The following SH2B1 variants were observed in gnomAD, a reference collection of about 807,000 sequenced individuals.
SH2B1 encodes the protein SH2B adaptor protein 1.
SH2B1 carries 15 observed loss-of-function variants against 62.6 expected under a neutral mutation model. The observed-to-expected ratio is 0.24, with a 90% confidence interval of 0.16 to 0.37. The LOEUF (loss-of-function observed/expected upper bound fraction) is 0.37. Ranked by LOEUF, SH2B1 falls within the 10% of genes least tolerant of loss-of-function variation. SH2B1 has a pLI of 1.00. For missense variants in SH2B1, 925 were observed against 1,015.6 expected, an observed-to-expected ratio of 0.91 and a Z score of 1.21; for synonymous variants, 443 against 438.0, an observed-to-expected ratio of 1.01 and a Z score of -0.14.
chr16:28,850,309 G>T (rs1962066066), intron 1 of SH2B1, among the ~76,000 whole-genome samples: 1 of 152,172 alleles, frequency 6.6e-6, no homozygotes, highest in African/African-American at 2.4e-5. Flanking sequence ...TATAGCTACT[G>T]CCGGGGGCAC....
At chr16:28,853,046 T>TTATA (rs1313729156) in intron 1 of SH2B1, among the ~76,000 whole-genome samples, 1 of 98,782 alleles carries the variant, frequency 1.0e-5, no homozygotes, top group South Asian at 2.5e-4. Context: ...ACATATATAT[T>TTATA]TATATATGTA....
intron 1 of SH2B1, among the ~76,000 whole-genome samples, chr16:28,852,825 T>C (rs1382463006): frequency 4.5e-5 from 2 of 44,354 alleles, no homozygotes; most frequent in Non-Finnish European, 7.1e-5. Flanking sequence ...TTTACATATA[T>C]ATTTATATAT....
upstream of SH2B1, chr16:28,863,347 T>C (rs955181845): frequency 8.1e-6 from 2 of 246,982 alleles, no homozygotes; most frequent in Admixed American, 5.2e-5. Flanking sequence ...ACCAAGGTCG[T>C]AAGTTCAGGC....
intron 1 of SH2B1, among the ~76,000 whole-genome samples, chr16:28,852,132 G>C (rs985566261): frequency 3.4e-5 from 5 of 145,288 alleles, no homozygotes; most frequent in Non-Finnish European, 7.5e-5. Context: ...AATATGCAGG[G>C]AATAAACTAT....
upstream of SH2B1, chr16:28,863,350 G>A (rs1355502869): frequency 1.2e-5 from 3 of 260,332 alleles, no homozygotes; most frequent in East Asian, 9.2e-5. Context: ...AAGGTCGTAA[G>A]TTCAGGCTCC....
chr16:28,852,848 ATATT>A (rs369712639), intron 1 of SH2B1, among the ~76,000 whole-genome samples: 12 of 42,908 alleles, frequency 2.8e-4, no homozygotes, highest in South Asian at 5.2e-4. Context: ...ATACATATAT[ATATT>A]TTTATATATA....
At chr16:28,846,652 G>A, upstream of SH2B1, 1 of 253,916 alleles carries the variant, frequency 3.9e-6, no homozygotes, top group Non-Finnish European at 7.8e-6. Flanking sequence ...CAGAGTGGGA[G>A]TCAGGCGGGC....
At chr16:28,850,862 GAAAAA>G (rs565938904) in intron 1 of SH2B1, among the ~76,000 whole-genome samples, 3 of 71,300 alleles carry the variant, frequency 4.2e-5, no homozygotes, top group Non-Finnish European at 8.5e-5. Context: ...GACTCCATCT[GAAAAA>G]AAAAAAAAAA....
chr16:28,872,879 G>C lies in SH2B1; in HGVS notation c.1897+174G>C. 4 of 869,504 alleles carry C rather than the reference G, an allele frequency of 4.6e-6. No homozygotes were observed. In the South Asian group the frequency reaches 6.3e-5, roughly 14 times the overall value. The allele number at this position is 869,504 out of a possible 1,614,324, so 53.9% of individuals were successfully genotyped here. On this transcript the variant is annotated intron_variant, in intron 7 of 7. Transcript: ENST00000684370. The surrounding 1 kb of genome is among the most constrained non-coding windows in gnomAD (Gnocchi z 5.3). Reference sequence around the variant, plus strand: ...GGTTTGGAAGGGAAAGAAATGCGCTGATAGGACACAGGAAGGCAGAAGGCT... The same window carrying C: ...GGTTTGGAAGGGAAAGAAATGCGCTCATAGGACACAGGAAGGCAGAAGGCT...
chr16:28,867,543 C>A, intron 2 of SH2B1, 111 bp downstream of exon 2: 1 of 773,720 alleles, frequency 1.3e-6, no homozygotes, highest in South Asian at 1.4e-5. Flanking sequence ...TGTCCAGTGC[C>A]TTGAGAGTGT....
At chr16:28,862,607 CAATTCT>C (rs1177946353), upstream of SH2B1, 47 of 133,750 alleles carry the variant, frequency 3.5e-4, no homozygotes, top group African/African-American at 1.1e-3. Flanking sequence ...GCCTTGACCT[CAATTCT>C]TTTTTTTTTT....
chr16:28,872,090 TG>T lies in SH2B1; in HGVS notation c.1514-96del. ...GGCCCAGGGGAGTTGGGGACGCATG[TG>T]GGGAGCAGGCGCCTTGAGGGGAAGG... On this transcript the variant is annotated intron_variant, in intron 5 of 7. Transcript: ENST00000684370. The surrounding 1 kb of genome is among the most constrained non-coding windows in gnomAD (Gnocchi z 5.3). 1 of 1,380,754 alleles carries T rather than the reference TG, an allele frequency of 7.2e-7. No homozygotes were observed. The highest frequency in any genetic ancestry group is 2.3e-5 in the East Asian group (1 of 43,160). 85.5% of individuals were successfully genotyped at this position (1,380,754 alleles called of 1,614,324 possible).
At chr16:28,856,501 G>A (rs533689923) in intron 1 of SH2B1, among the ~76,000 whole-genome samples, 6 of 152,160 alleles carry the variant, frequency 3.9e-5, no homozygotes, top group East Asian at 1.9e-4. Context: ...ACAAATTGGG[G>A]GTGGAGGTTA....
Position 28,865,959 on chromosome 16 carries a change from C to T in SH2B1, c.-136C>T. The T allele has an allele frequency of 6.9e-7, 1 of 1,446,302 alleles. No individual in the cohort carries two copies. Among genetic ancestry groups the T allele is most frequent in the Non-Finnish European group, 9.0e-7 (1 of 1,106,530 alleles). The allele number at this position is 1,446,302 out of a possible 1,614,324, so 89.6% of individuals were successfully genotyped here. A position where few individuals can be genotyped will look rare whatever the true frequency, so the allele number is the denominator to read the frequency against. ...TCTGGCTGGGGGTGGGATGCAGCCT[C>T]CGGTGCGCCCTCAGCAGTGACCCTC... On this transcript the variant is annotated 5_prime_UTR_variant, in exon 1 of 8. Transcript: ENST00000684370.
intron 1 of SH2B1, among the ~76,000 whole-genome samples, chr16:28,852,195 T>TA (rs1962114936): frequency 3.2e-5 from 4 of 126,182 alleles, no homozygotes; most frequent in Admixed American, 9.0e-5. Flanking sequence ...TATATTTTTA[T>TA]TTATATATTT....
chr16:28,872,172 CCT>C lies in SH2B1; in HGVS notation c.1514-12_1514-11del, dbSNP rs1596632450. On this transcript the variant is annotated splice_polypyrimidine_tract_variant and intron_variant, in intron 5 of 7. Coordinates refer to ENST00000684370, the MANE Select transcript of SH2B1 (RefSeq NM_001387430.1). This position sits in a 1 kb window ranked among gnomAD's most constrained non-coding sequence, Gnocchi z 5.3. ...CTGCCCTGACACCCCGGTTTCCCTC[CCT>C]CTCTCCTTCCTGAAGGGTCCTTCCT... 1.2e-6 allele frequency: 2 copies of C among 1,606,084 alleles called. No homozygotes were observed. The highest frequency in any genetic ancestry group is 1.3e-5 in the African/African-American group (1 of 74,822).
rs1491248523 is a variant in SH2B1 at position 28,852,693 on chromosome 16, T to TAC, written c.-301+5867_-301+5868insCA. On this transcript the variant is annotated intron_variant, in intron 1 of 10. Transcript: ENST00000322610. ...TTATATATATATTTACATATATATT[T>TAC]ATATATATACATATATATTTACATA... Among the ~76,000 whole-genome samples the TAC allele has an allele frequency of 4.1e-5, 3 of 73,748 alleles. 1 individual carries two copies. The highest frequency in any genetic ancestry group is 7.2e-5 in the Non-Finnish European group (3 of 41,788). The allele number at this position is 73,748 out of a possible 152,430, so 48.4% of individuals were successfully genotyped here. A position where few individuals can be genotyped will look rare whatever the true frequency, so the allele number is the denominator to read the frequency against.
At chr16:28,868,461 T>A (rs1166666446) in intron 2 of SH2B1, among the ~76,000 whole-genome samples, 1 of 151,934 alleles carries the variant, frequency 6.6e-6, no homozygotes, top group Non-Finnish European at 1.5e-5. Context: ...ATTTTATTTT[T>A]ATTTTTTATA....
chr16:28,869,164 A>G (rs770659000), intron 3 of SH2B1, 44 bp from the exon 4 acceptor site: 2 of 1,613,740 alleles, frequency 1.2e-6, no homozygotes, highest in Admixed American at 1.7e-5. Context: ...TGCGCCTCTC[A>G]CCTGGTGACT....
Sources: allele counts gnomAD v4.1 joint callset (sites outside exome capture counted in the v4.1 genomes callset), GRCh38; gene constraint gnomAD v4.1.1; non-coding constraint Gnocchi (gnomAD v3.1); transcripts MANE v1.5; gene names NCBI Gene and HGNC (gene_info 2026-07-23, HGNC 2026-07-21).